Variants in LDB2 observed in about 807,000 individuals in gnomAD.
LDB2 encodes the protein LIM domain binding 2.
Under a neutral mutation model 44.3 loss-of-function variants are expected in LDB2, and 12 were observed. The observed-to-expected ratio is 0.27, with a 90% confidence interval of 0.17 to 0.44. The LOEUF is 0.44. LDB2 is among the 20% of genes least tolerant of loss of function. The pLI is 1.00. For synonymous variants in LDB2, 164 were observed against 174.8 expected (o/e 0.94, Z 0.49); for missense variants, 344 against 473.5 (o/e 0.73, Z 2.54).
At chr4:16,826,534 T>C (rs2110013336) in intron 1 of LDB2, 1 of 152,356 alleles carries the variant, frequency 6.6e-6, no homozygotes, top group Admixed American at 6.5e-5. Context: ...GATTAAATTG[T>C]TATGCAAAAG....
At chr4:16,589,265 T>A (rs1185585988) in intron 3 of LDB2, among the ~76,000 whole-genome samples, 2 of 152,198 alleles carry the variant, frequency 1.3e-5, no homozygotes, top group Admixed American at 1.3e-4. Flanking sequence ...CATGGTTAAG[T>A]GTGAGTTACT....
chr4:16,686,564 C>T (rs573582108), intron 2 of LDB2, among the ~76,000 whole-genome samples: 1 of 152,196 alleles, frequency 6.6e-6, no homozygotes, highest in African/African-American at 2.4e-5. Context: ...TGAAAACAAC[C>T]TTCCCTTCAA....
At chr4:16,854,310 T>C (rs1788887965) in intron 1 of LDB2, among the ~76,000 whole-genome samples, 1 of 152,038 alleles carries the variant, frequency 6.6e-6, no homozygotes, top group South Asian at 2.1e-4. Context: ...TTCATAAATA[T>C]ATTCTATTTG....
chr4:16,602,036 ATGAC>A (rs1189266849), intron 2 of LDB2, among the ~76,000 whole-genome samples: 2 of 152,214 alleles, frequency 1.3e-5, no homozygotes, highest in South Asian at 2.1e-4. Context: ...ATAAATTGGC[ATGAC>A]TTTCATTCTA....
intron 2 of LDB2, among the ~76,000 whole-genome samples, chr4:16,659,671 G>GTATATATATATATATATATATATATA (rs58539901): frequency 7.5e-6 from 1 of 133,510 alleles, no homozygotes; most frequent in African/African-American, 3.0e-5. Context: ...ATCTATGTGT[G>GTATATATATATATATATATATATATA]TATATATATA....
At position 16,759,148 on chromosome 4, in the gene LDB2, T is replaced by G; in HGVS notation, c.235+10A>C. On this transcript the variant is annotated intron_variant, in intron 2 of 7. Coordinates refer to ENST00000304523, the MANE Select transcript of LDB2 (RefSeq NM_001290.5). ...CGAGGTAATATTAGAAAAATAAACT[T>G]CTTTCTTACTGTATCGCTTTGGTCC... is the stretch of plus-strand genomic sequence containing the variant. 1.9e-6 allele frequency: 3 copies of G among 1,591,836 alleles called. No homozygotes were observed. The highest frequency in any genetic ancestry group is 2.6e-6 in the Non-Finnish European group (3 of 1,160,046).
intron 5 of LDB2, among the ~76,000 whole-genome samples, chr4:16,518,711 C>T (rs1331780538): frequency 6.6e-6 from 1 of 152,160 alleles, no homozygotes; most frequent in East Asian, 1.9e-4. Context: ...CGGTACTATT[C>T]CAAGAAGGTG....
chr4:16,871,426 A>C (rs542115518), intron 1 of LDB2, among the ~76,000 whole-genome samples: 6 of 152,322 alleles, frequency 3.9e-5, no homozygotes, highest in Non-Finnish European at 7.4e-5. Context: ...CTGAAGCTGT[A>C]ACATAATGAG....
rs550949974 is a variant in LDB2 at position 16,588,368 on chromosome 4, T to C, written c.531+342A>G. Among the ~76,000 whole-genome samples the C allele has an allele frequency of 1.7e-4, 26 of 152,332 alleles. 2 individuals are homozygous for C. In the South Asian group the frequency reaches 4.8e-3, roughly 28 times the overall value. ...CTTGTTTTATTTCATTCCCCAGTTA[T>C]ACATAACAGGTTTATTAGCCCCAAG... On this transcript the variant is annotated intron_variant, in intron 4 of 7. Coordinates refer to ENST00000304523, the MANE Select transcript of LDB2 (RefSeq NM_001290.5).
chr4:16,817,192 A>T (rs1008177627), intron 1 of LDB2, among the ~76,000 whole-genome samples: 1 of 152,188 alleles, frequency 6.6e-6, no homozygotes, highest in Non-Finnish European at 1.5e-5. Flanking sequence ...AATGGCTCTA[A>T]TTCTAAATCT....
chr4:16,623,291 A>G (rs149533168), intron 2 of LDB2, among the ~76,000 whole-genome samples: 3 of 152,348 alleles, frequency 2.0e-5, no homozygotes, highest in East Asian at 3.9e-4. Context: ...GCTTTTAAAC[A>G]TATTATTTAA....
At chr4:16,572,194 G>T (rs1164075502) in intron 5 of LDB2, among the ~76,000 whole-genome samples, 1 of 152,126 alleles carries the variant, frequency 6.6e-6, no homozygotes, top group African/African-American at 2.4e-5. Flanking sequence ...CTCCCTTCAT[G>T]CTTTGCCCTC....
intron 5 of LDB2, among the ~76,000 whole-genome samples, chr4:16,581,962 A>G (rs2152419217): frequency 1.4e-5 from 2 of 144,578 alleles, no homozygotes; most frequent in African/African-American, 2.6e-5. Context: ...GGGAAATAAA[A>G]GAAAGAAGGA....
At chr4:16,658,858 A>T (rs1740668324) in intron 2 of LDB2, among the ~76,000 whole-genome samples, 1 of 152,222 alleles carries the variant, frequency 6.6e-6, no homozygotes, top group Non-Finnish European at 1.5e-5. Context: ...AGTAAGGCTC[A>T]GAAGGGTTAA....
Position 16,822,624 on chromosome 4 carries a change from G to A in LDB2, c.133-63364C>T, listed in dbSNP as rs149722512. On this transcript the variant is annotated intron_variant, in intron 1 of 7. Coordinates refer to ENST00000304523, the MANE Select transcript of LDB2 (RefSeq NM_001290.5). ...ACCTCTGCCTCCTGGTGTGATTCTC[G>A]TGCCTCAGCCTCCCAAGTAGCTGGA... Among the ~76,000 whole-genome samples the A allele has an allele frequency of 3.5e-3, 530 of 151,970 alleles. 1 individual carries two copies. The highest frequency in any genetic ancestry group is 0.013 in the African/African-American group (521 of 41,420).
Position 16,739,668 on chromosome 4 carries a change from A to G in LDB2, c.235+19490T>C, listed in dbSNP as rs1762721230. On this transcript the variant is annotated intron_variant, in intron 2 of 7. Coordinates refer to ENST00000304523, the MANE Select transcript of LDB2 (RefSeq NM_001290.5). ...TACATATGTGTGTATATATGTATAT[A>G]TACATATGTGTGTATATATGTATAT... Among the ~76,000 whole-genome samples the G allele has an allele frequency of 2.5e-5, 2 of 80,234 alleles. 1 individual carries two copies. The highest frequency in any genetic ancestry group is 6.7e-4 in the South Asian group (2 of 2,966). The allele number at this position is 80,234 out of a possible 152,430, so 52.6% of individuals were successfully genotyped here.
At chr4:16,552,759 A>T (rs531255703) in intron 5 of LDB2, among the ~76,000 whole-genome samples, 6 of 152,334 alleles carry the variant, frequency 3.9e-5, no homozygotes, top group African/African-American at 1.4e-4. Context: ...ATCCATAAAG[A>T]TTTCTTCAAA....
At chr4:16,666,193 CTG>C (rs1743149794) in intron 2 of LDB2, among the ~76,000 whole-genome samples, 1 of 152,196 alleles carries the variant, frequency 6.6e-6, no homozygotes, top group African/African-American at 2.4e-5. Flanking sequence ...CACAATAGGG[CTG>C]TGTTTTATCA....
intron 2 of LDB2, among the ~76,000 whole-genome samples, chr4:16,670,593 T>C (rs1013448906): frequency 2.6e-5 from 4 of 152,190 alleles, no homozygotes; most frequent in African/African-American, 9.7e-5. Flanking sequence ...CAATTCAAGT[T>C]CACAATAAAA....
Sources: gnomAD v4.1 joint callset for allele counts (sites outside exome capture counted in the v4.1 genomes callset) on GRCh38, gnomAD v4.1.1 for gene constraint, MANE v1.5 for transcripts, NCBI Gene and HGNC (gene_info 2026-07-23, HGNC 2026-07-21) for gene names.